ZNF606: variants seen among roughly 807,000 people sequenced by gnomAD.
ZNF606 encodes zinc finger protein 328.
Under a neutral mutation model 74.9 loss-of-function variants are expected in ZNF606, and 37 were observed. The observed-to-expected ratio is 0.49, with a 90% CI of 0.38 to 0.65. The LOEUF (loss-of-function observed/expected upper bound fraction) is 0.65, where lower values mean the gene tolerates loss of function less well. ZNF606 is among the 30% of genes least tolerant of loss of function. The pLI is 0.00. For missense variants in ZNF606, 852 were observed against 952.9 expected, an observed-to-expected ratio of 0.89 and a Z score of 1.39; for synonymous variants, 328 against 312.4, an observed-to-expected ratio of 1.05 and a Z score of -0.53.
In ZNF606 at chr19:57,980,175, G is replaced by C; in HGVS notation, c.505C>G (p.Pro169Ala). The C allele has an allele frequency of 6.2e-7, 1 of 1,614,098 alleles. No individual in the cohort carries two copies. Among genetic ancestry groups the C allele is most frequent in the Non-Finnish European group, 8.5e-7 (1 of 1,180,028 alleles). Residue 169 changes from proline to alanine, a missense_variant, in exon 7 of 7, where the codon CCT (proline) becomes GCT (alanine). Transcript: ENST00000551380. ...MKLERYIWDD[P>A]WFSRLEVLGC... The stretch of plus-strand genomic sequence containing the variant: ...AAAACTTCTAACCTGGAGAACCAAG[G>C]ATCATCCCATATATATCTTTCCAAC...
chr19:58,002,756 C>T lies in ZNF606; in HGVS notation c.-412G>A. The T allele has an allele frequency of 2.2e-6, 1 of 454,316 alleles. No individual in the cohort carries two copies. The highest frequency in any genetic ancestry group is 1.6e-5 in the South Asian group (1 of 64,472). The allele number at this position is 454,316 out of a possible 1,614,324, so 28.1% of individuals were successfully genotyped here. On this transcript the variant is annotated 5_prime_UTR_variant, in exon 1 of 7. Transcript: ENST00000551380. ...CCCAAGCCCCGCAGCTACGGCGGCCCCACAGCCTGAGCAAAGGCCTCACCT... is the reference window on the plus strand; with the variant it reads ...CCCAAGCCCCGCAGCTACGGCGGCCTCACAGCCTGAGCAAAGGCCTCACCT...
In ZNF606 at chr19:57,978,387, T is replaced by C. The variant is rs1001906662; in HGVS notation, c.2293A>G (p.Ile765Val). 9 of 1,613,094 alleles carry C rather than the reference T, an allele frequency of 5.6e-6. No individual in the cohort carries two copies. The highest frequency in any genetic ancestry group is 1.7e-5 in the Admixed American group (1 of 59,990). The change falls in exon 7 of 7, where the codon ATA becomes GTA. Residue 765 changes from isoleucine to valine, a missense_variant. Coordinates refer to ENST00000551380, the MANE Select transcript of ZNF606 (RefSeq NM_001348022.3). This position sits in a 1 kb window ranked among gnomAD's most constrained non-coding sequence, Gnocchi z 4.4. ...QRMHSGEKRF[I>V]CSECGKAFSG... The stretch of plus-strand genomic sequence containing the variant: ...AAGGCTTTTCCACATTCACTGCATA[T>C]AAAGCGTTTCTCTCCACTATGCATT...
rs17853718 is a variant in ZNF606, at chr19:57,978,507, C to T, written c.2173G>A (p.Val725Ile). 1.2e-6 allele frequency: 2 copies of T among 1,613,870 alleles called. No individual in the cohort carries two copies. The highest frequency in any genetic ancestry group is 1.1e-5 in the South Asian group (1 of 91,052). ...TCTCCAGTATGGTTTCTTAGGTGTA[C>T]AATAAGGGATGAACTCTCATTAAAT... ...KAFNESSSLI[V>I]HLRNHTGEKP... The change falls in exon 7 of 7, where the codon GTA becomes ATA. Residue 725 changes from valine to isoleucine, a missense_variant. By Grantham distance (29) the Val-to-Ile change is conservative. Transcript: ENST00000551380. The surrounding 1 kb of genome is among the most constrained non-coding windows in gnomAD (Gnocchi z 4.4).
At chr19:58,000,995 G>A (rs1032731697) in intron 2 of ZNF606, among the ~76,000 whole-genome samples, 2 of 151,962 alleles carry the variant, frequency 1.3e-5, no homozygotes, top group African/African-American at 2.4e-5. Context: ...ATATATGAGA[G>A]CAGTAGAGAC....
chr19:57,993,341 T>A (rs2073288228), intron 4 of ZNF606, among the ~76,000 whole-genome samples: 1 of 152,124 alleles, frequency 6.6e-6, no homozygotes, highest in African/African-American at 2.4e-5. Flanking sequence ...AATAAACAGT[T>A]GGCTTTTTTT....
intron 4 of ZNF606, 47 bp downstream of exon 4, chr19:57,999,761 G>A (rs1276041276): frequency 1.3e-6 from 2 of 1,579,172 alleles, no homozygotes; most frequent in East Asian, 4.5e-5. Context: ...GGATGACCAG[G>A]GATAACCTGG....
chr19:57,978,348 C>T lies in ZNF606; in HGVS notation c.2332G>A (p.Ala778Thr). The change falls in exon 7 of 7, where the codon GCC becomes ACC. Residue 778 changes from alanine (A) to threonine (T), a missense_variant. Physicochemically the swap from Ala to Thr is moderately conservative, Grantham distance 58 (BLOSUM62 0). Transcript: ENST00000551380. This position sits in a 1 kb window ranked among gnomAD's most constrained non-coding sequence, Gnocchi z 4.4. ...TGATTTCTCTGGTGTTGAAGTAGGGCTGAGTGACCACTAAAGGCTTTTCCA... is the reference window on the plus strand; with the variant it reads ...TGATTTCTCTGGTGTTGAAGTAGGGTTGAGTGACCACTAAAGGCTTTTCCA... Reference protein sequence around the residue: ...ECGKAFSGHSALLQHQRNHSE... With the variant: ...ECGKAFSGHSTLLQHQRNHSE... 1.9e-6 allele frequency: 3 copies of T among 1,599,566 alleles called. No homozygotes were observed. The highest frequency in any genetic ancestry group is 2.6e-6 in the Non-Finnish European group (3 of 1,169,692).
At chr19:58,000,977 G>A (rs188582108) in intron 2 of ZNF606, among the ~76,000 whole-genome samples, 2 of 152,104 alleles carry the variant, frequency 1.3e-5, no homozygotes, top group South Asian at 2.1e-4. Flanking sequence ...AACAATAAAG[G>A]TAAAAATATA....
chr19:57,981,192 A>AT (rs2073080645), intron 6 of ZNF606, among the ~76,000 whole-genome samples: 1 of 152,106 alleles, frequency 6.6e-6, no homozygotes, highest in African/African-American at 2.4e-5. Context: ...TCCTAGTAGA[A>AT]ATTTCGCACG....
In ZNF606 at chr19:57,979,473, T is replaced by G; in HGVS notation, c.1207A>C (p.Asn403His). ...TYTAEKPYDY[N>H]ECGTSFIWSS... Reference sequence around the variant, plus strand: ...CAGATGAAAGACGTCCCACATTCATTGTAGTCATAGGGTTTCTCTGCAGTG... The same window carrying G: ...CAGATGAAAGACGTCCCACATTCATGGTAGTCATAGGGTTTCTCTGCAGTG... The change falls in exon 7 of 7, where the codon AAT becomes CAT. Residue 403 changes from asparagine (N) to histidine (H), a missense_variant. Around this residue, in one of 3 missense-constraint regions of ZNF606, gnomAD observed 545 missense variants for 542.5 expected, o/e 1.00. Coordinates refer to ENST00000551380, the MANE Select transcript of ZNF606 (RefSeq NM_001348022.3). 1 of 1,614,166 alleles carries G rather than the reference T, an allele frequency of 6.2e-7. No individual in the cohort carries two copies. Among genetic ancestry groups the G allele is most frequent in the Non-Finnish European group, 8.5e-7 (1 of 1,180,034 alleles).
intron 6 of ZNF606, among the ~76,000 whole-genome samples, chr19:57,980,920 T>C (rs1388782190): frequency 6.6e-6 from 1 of 151,940 alleles, no homozygotes; most frequent in Non-Finnish European, 1.5e-5. Flanking sequence ...GCCTGTTTCC[T>C]AACTGGCCCT....
At chr19:58,002,821 G>A (rs1349877940), upstream of ZNF606, 7 of 448,482 alleles carry the variant, frequency 1.6e-5, no homozygotes, top group East Asian at 4.3e-4. Context: ...GGCGTCGACC[G>A]GAGCGCGCCG....
At chr19:57,989,285 G>A (rs936469149) in intron 4 of ZNF606, among the ~76,000 whole-genome samples, 3 of 151,958 alleles carry the variant, frequency 2.0e-5, no homozygotes, top group Admixed American at 6.6e-5. Flanking sequence ...AAGGAGAATC[G>A]GTTACAGCTG....
intron 4 of ZNF606, chr19:57,999,128 AC>A (rs1308409392): frequency 6.6e-6 from 1 of 152,350 alleles, no homozygotes; most frequent in African/African-American, 2.4e-5. Flanking sequence ...GCCACCCCTG[AC>A]CCCTGTGGTG....
At chr19:57,997,215 T>C (rs1055793713) in intron 4 of ZNF606, among the ~76,000 whole-genome samples, 2 of 152,246 alleles carry the variant, frequency 1.3e-5, no homozygotes, top group African/African-American at 4.8e-5. Context: ...GGGGTTTGAA[T>C]GCTTCCGTAT....
chr19:58,003,137 C>T (rs930001443), upstream of ZNF606: 1 of 428,406 alleles, frequency 2.3e-6, no homozygotes, highest in Non-Finnish European at 4.8e-6. Flanking sequence ...GGCGAGTTCT[C>T]AGCGCTCTCG....
Position 57,979,513 on chromosome 19 carries a change from T to C in ZNF606, c.1167A>G (p.Gln389=). Residue 389 remains glutamine, a synonymous_variant, in exon 7 of 7, where the codon CAA becomes CAG. Coordinates refer to ENST00000551380, the MANE Select transcript of ZNF606 (RefSeq NM_001348022.3). The part of the protein sequence containing the change: ...KVFGYDSFLT[Q]HTSTYTAEKP... Reference sequence around the variant, plus strand: ...TCTCTGCAGTGTAAGTGCTTGTATGTTGAGTAAGGAAAGAGTCATACCCAA... The same window carrying C: ...TCTCTGCAGTGTAAGTGCTTGTATGCTGAGTAAGGAAAGAGTCATACCCAA... 6.2e-7 allele frequency: 1 copy of C among 1,613,886 alleles called. No individual in the cohort carries two copies. Among genetic ancestry groups the C allele is most frequent in the Non-Finnish European group, 8.5e-7 (1 of 1,179,924 alleles).
intron 4 of ZNF606, chr19:57,999,479 G>GCA (rs2123344057): frequency 2.3e-6 from 1 of 434,558 alleles, no homozygotes; most frequent in African/African-American, 2.0e-5. Flanking sequence ...AGCAGGCACT[G>GCA]CACAGCATCA....
rs756738594 is a variant in ZNF606 at position 57,978,898 on chromosome 19, T to C, written c.1782A>G (p.Lys594=). The change falls in exon 7 of 7, where the codon AAA becomes AAG. Residue 594 remains lysine, a synonymous_variant. Transcript: ENST00000551380. This position sits in a 1 kb window ranked among gnomAD's most constrained non-coding sequence, Gnocchi z 4.4. ...IAHQRTHTGE[K]PYNCQECGKA... ...TGCCACATTCCTGACAGTTATATGG[T>C]TTCTCTCCCGTGTGAGTTCTCTGAT... The C allele has an allele frequency of 7.2e-5, 116 of 1,614,016 alleles. No individual in the cohort carries two copies. The highest frequency in any genetic ancestry group is 9.2e-5 in the Non-Finnish European group (109 of 1,180,038).
Sources: gnomAD v4.1 joint callset for allele counts (sites outside exome capture counted in the v4.1 genomes callset) on GRCh38, gnomAD v4.1.1 for gene constraint, gnomAD v4.1.1 regional missense constraint, Gnocchi (gnomAD v3.1) non-coding constraint, MANE v1.5 for transcripts, NCBI Gene and HGNC (gene_info 2026-07-23, HGNC 2026-07-21) for gene names.